The following TXN2 variants were observed in gnomAD, a reference collection of about 807,000 sequenced individuals.
TXN2 encodes the protein thioredoxin, mitochondrial.
A neutral mutation model predicts 14.6 loss-of-function variants in TXN2; 12 were observed. That is an observed-to-expected ratio of 0.82 (90% confidence interval 0.53 to 1.33). TXN2 has a LOEUF of 1.33. Among genes scored for constraint, TXN2 ranks in the 40% most tolerant of loss-of-function variants. TXN2 has a pLI of 0.00. For synonymous variants in TXN2, 89 were observed against 81.0 expected (o/e 1.10, Z -0.53); for missense variants, 173 against 207.7 (o/e 0.83, Z 1.03).
At position 36,476,909 on chromosome 22, in the gene TXN2, C is replaced by A. The variant is rs542693093; in HGVS notation, c.264-53G>T. ...GTCAGTCAAAAGAGCGCTCAGCATC[C>A]CCTACTGGCTTCCCAGACCTGCATC... is the stretch of plus-strand genomic sequence containing the variant. On this transcript the variant is annotated intron_variant, in intron 2 of 3. Transcript: ENST00000216185. 1.1e-5 allele frequency: 18 copies of A among 1,610,102 alleles called. No individual in the cohort carries two copies. The African/African-American group carries it at 2.1e-4, about 19-fold the overall frequency.
intron 3 of TXN2, among the ~76,000 whole-genome samples, chr22:36,474,015 G>A (rs914656146): frequency 6.6e-6 from 1 of 152,208 alleles, no homozygotes; most frequent in African/African-American, 2.4e-5. Flanking sequence ...GTAGTGTCTG[G>A]CAGAGCCAGG....
Position 36,481,613 on chromosome 22 carries a change from T to C in TXN2, c.-50A>G, listed in dbSNP as rs1933506030. On this transcript the variant is annotated 5_prime_UTR_variant, in exon 1 of 4. Transcript: ENST00000216185. ...TGCACAGCCTAGCCCTCCCTGCCTG[T>C]CAAGGGCACGCCTGTCGTCACTTCC... 1 of 993,306 alleles carries C rather than the reference T, an allele frequency of 1.0e-6. No homozygotes were observed. The highest frequency in any genetic ancestry group is 1.2e-6 in the Non-Finnish European group (1 of 827,362). 61.5% of individuals were successfully genotyped at this position (993,306 alleles called of 1,614,324 possible). A position where few individuals can be genotyped will look rare whatever the true frequency, so the allele number is the denominator to read the frequency against.
At chr22:36,479,342 T>G (rs1933450993) in intron 2 of TXN2, among the ~76,000 whole-genome samples, 1 of 151,548 alleles carries the variant, frequency 6.6e-6, no homozygotes, top group Admixed American at 6.6e-5. Context: ...TTCTTTTTTT[T>G]TTTTTTTGAG....
At chr22:36,471,472 C>G (rs1199595794) in intron 3 of TXN2, among the ~76,000 whole-genome samples, 2 of 152,218 alleles carry the variant, frequency 1.3e-5, no homozygotes, top group Non-Finnish European at 2.9e-5. Context: ...AGGCACAGTG[C>G]TGGGTGCTGC....
chr22:36,475,897 C>T (rs1330400734), intron 3 of TXN2, among the ~76,000 whole-genome samples: 1 of 152,138 alleles, frequency 6.6e-6, no homozygotes, highest in African/African-American at 2.4e-5. Context: ...TCCCTCATGG[C>T]TCAGCTCAGA....
chr22:36,472,863 ACAGAAAGTCAGTCCGGGGCCTTCAGAAC>A (rs1933310897), intron 3 of TXN2, among the ~76,000 whole-genome samples: 2 of 152,102 alleles, frequency 1.3e-5, no homozygotes, highest in South Asian at 4.2e-4. Context: ...GTTCCTCCCC[ACAGAAAGTCAGTCCGGGGCCTTCAGAAC>A]CAGAAAGTCA....
At chr22:36,469,364 G>A (rs550414488) in intron 3 of TXN2, among the ~76,000 whole-genome samples, 45 of 152,250 alleles carry the variant, frequency 3.0e-4, no homozygotes, top group Admixed American at 9.2e-4. Context: ...CAGGCCCCAC[G>A]AGAGCACATT....
intron 3 of TXN2, among the ~76,000 whole-genome samples, chr22:36,474,851 G>A (rs947830010): frequency 5.3e-5 from 8 of 152,162 alleles, no homozygotes; most frequent in African/African-American, 1.7e-4. Flanking sequence ...CAGACAAAGT[G>A]GGCCTCTCCC....
intron 3 of TXN2, among the ~76,000 whole-genome samples, chr22:36,471,643 T>G (rs1327138615): frequency 6.6e-6 from 1 of 152,196 alleles, no homozygotes; most frequent in Non-Finnish European, 1.5e-5. Context: ...ATGAGAATAC[T>G]GAGGCTCAAA....
chr22:36,475,424 T>C (rs1475990208), intron 3 of TXN2, among the ~76,000 whole-genome samples: 4 of 152,246 alleles, frequency 2.6e-5, no homozygotes, highest in Non-Finnish European at 5.9e-5. Context: ...CCATCCTCTC[T>C]TCCTGATGTA....
At chr22:36,479,001 C>T (rs1933443359) in intron 2 of TXN2, among the ~76,000 whole-genome samples, 1 of 152,120 alleles carries the variant, frequency 6.6e-6, no homozygotes, top group Non-Finnish European at 1.5e-5. Context: ...GTGGTTCATG[C>T]CTGTAATCCT....
chr22:36,479,108 T>C (rs1933445881), intron 2 of TXN2, among the ~76,000 whole-genome samples: 1 of 151,930 alleles, frequency 6.6e-6, no homozygotes, highest in Admixed American at 6.6e-5. Context: ...CATTCTAGCC[T>C]GGGTGACAGA....
intron 2 of TXN2, 96 bp from the exon 3 acceptor site, chr22:36,476,952 G>C: frequency 6.4e-7 from 1 of 1,565,026 alleles, no homozygotes; most frequent in South Asian, 1.2e-5. Context: ...GGAATCTTTT[G>C]CCCTTATTAT....
At chr22:36,477,133 G>C (rs936365703) in intron 2 of TXN2, among the ~76,000 whole-genome samples, 1 of 152,144 alleles carries the variant, frequency 6.6e-6, no homozygotes. Context: ...TCATATAAAA[G>C]GATATGGGAT....
intron 3 of TXN2, among the ~76,000 whole-genome samples, chr22:36,470,563 G>A (rs1465816787): frequency 1.7e-5 from 2 of 115,778 alleles, no homozygotes; most frequent in African/African-American, 3.9e-5. Context: ...CACTGTATAA[G>A]AAGTGGCCTA....
At chr22:36,469,065 A>AATAAATAC (rs1211639286) in intron 3 of TXN2, among the ~76,000 whole-genome samples, 1 of 138,344 alleles carries the variant, frequency 7.2e-6, no homozygotes, top group African/African-American at 3.2e-5. Flanking sequence ...TAAATAAATA[A>AATAAATAC]ATAAATACAT....
chr22:36,478,982 C>T (rs1415420492), intron 2 of TXN2, among the ~76,000 whole-genome samples: 4 of 151,998 alleles, frequency 2.6e-5, no homozygotes, highest in African/African-American at 9.7e-5. Context: ...AACCCTCAGG[C>T]CTGGCGCAGT....
intron 3 of TXN2, among the ~76,000 whole-genome samples, chr22:36,468,923 T>C (rs1229270885): frequency 6.6e-6 from 1 of 151,382 alleles, no homozygotes; most frequent in Non-Finnish European, 1.5e-5. Context: ...GCACCTGTAA[T>C]CCCACCTACT....
intron 3 of TXN2, among the ~76,000 whole-genome samples, chr22:36,473,342 C>T (rs1045667917): frequency 1.3e-5 from 2 of 152,160 alleles, no homozygotes; most frequent in African/African-American, 4.8e-5. Context: ...ACTCGGGAGG[C>T]TGAGGCAGGA....
Sources: allele counts gnomAD v4.1 joint callset (sites outside exome capture counted in the v4.1 genomes callset), GRCh38; gene constraint gnomAD v4.1.1; transcripts MANE v1.5; gene names NCBI Gene and HGNC (gene_info 2026-07-23, HGNC 2026-07-21).